The following GPHN variants were observed in gnomAD, a reference collection of about 807,000 sequenced individuals.
GPHN encodes gephyrin.
GPHN carries 17 observed loss-of-function variants against 95.5 expected under a neutral mutation model. The observed-to-expected ratio is 0.18, with a 90% CI of 0.12 to 0.27. The LOEUF is 0.27. Among genes scored for constraint, GPHN ranks in the 10% least tolerant of loss-of-function variants. The pLI is 1.00. For missense variants in GPHN, 660 were observed against 978.1 expected (o/e 0.67, Z 4.34); for synonymous variants, 320 against 322.5 (o/e 0.99, Z 0.08).
the GPHN span, among the ~76,000 whole-genome samples, chr14:67,430,463 G>A: frequency 6.6e-6 from 1 of 152,230 alleles, no homozygotes; most frequent in Non-Finnish European, 1.5e-5. Flanking sequence ...GTATGGTAAA[G>A]CAGAAAGAGC....
the GPHN span, among the ~76,000 whole-genome samples, chr14:67,213,112 C>A: frequency 9.5e-5 from 13 of 137,346 alleles, no homozygotes; most frequent in Non-Finnish European, 1.5e-4. Context: ...TTTTTTTTTA[C>A]TTCTCAGATA....
At chr14:67,046,075 G>A (rs921950690) in intron 10 of GPHN, among the ~76,000 whole-genome samples, 1 of 150,966 alleles carries the variant, frequency 6.6e-6, no homozygotes, top group Middle Eastern at 3.2e-3. Flanking sequence ...ATTCTATCTC[G>A]ATTTTTTTTT....
the GPHN span, among the ~76,000 whole-genome samples, chr14:67,509,467 A>C: frequency 6.6e-6 from 1 of 152,080 alleles, no homozygotes; most frequent in Admixed American, 6.5e-5. Context: ...TACAGGCACG[A>C]GCCGCCATGC....
the GPHN span, among the ~76,000 whole-genome samples, chr14:67,530,291 A>T: frequency 6.6e-6 from 1 of 152,194 alleles, no homozygotes; most frequent in Non-Finnish European, 1.5e-5. Flanking sequence ...TATTATCATC[A>T]TTATTTTACA....
the GPHN span, among the ~76,000 whole-genome samples, chr14:67,358,024 A>C: frequency 6.6e-6 from 1 of 151,560 alleles, no homozygotes; most frequent in Non-Finnish European, 1.5e-5. Context: ...GGGTCTATCA[A>C]TTAGGTGTTG....
intron 6 of GPHN, 27 bp from the exon 7 acceptor site, chr14:66,922,639 A>ATT: frequency 6.4e-7 from 1 of 1,562,168 alleles, no homozygotes; most frequent in Non-Finnish European, 8.7e-7. Flanking sequence ...CTTCATCTTA[A>ATT]TTTTTTTTTC....
intron 20 of GPHN, among the ~76,000 whole-genome samples, chr14:67,167,137 A>G (rs1039388464): frequency 1.3e-5 from 2 of 152,246 alleles, no homozygotes; most frequent in Non-Finnish European, 2.9e-5. Context: ...TGTAAAAATC[A>G]GAAAATATAG....
At chr14:67,365,811 A>G in the GPHN span, among the ~76,000 whole-genome samples, 1 of 150,968 alleles carries the variant, frequency 6.6e-6, no homozygotes. Flanking sequence ...TGGTTTACTG[A>G]TACTTTCTCA....
At chr14:66,874,771 CCTA>C (rs1363639473) in intron 4 of GPHN, among the ~76,000 whole-genome samples, 1 of 152,100 alleles carries the variant, frequency 6.6e-6, no homozygotes, top group African/African-American at 2.4e-5. Context: ...AAAGACCAAA[CCTA>C]CTTCTGATTG....
intron 1 of GPHN, among the ~76,000 whole-genome samples, chr14:66,561,638 G>A (rs1418724035): frequency 6.6e-6 from 1 of 152,066 alleles, no homozygotes; most frequent in African/African-American, 2.4e-5. Flanking sequence ...CTTATATCTA[G>A]TTTTAATCTA....
At chr14:67,668,823 CA>C in the GPHN span, among the ~76,000 whole-genome samples, 7 of 152,174 alleles carry the variant, frequency 4.6e-5, no homozygotes, top group East Asian at 1.2e-3. Context: ...AACAAGTTCC[CA>C]AATGATGCTG....
At chr14:66,942,576 G>C (rs374543753) in intron 8 of GPHN, among the ~76,000 whole-genome samples, 2 of 152,172 alleles carry the variant, frequency 1.3e-5, no homozygotes, top group Admixed American at 1.3e-4. Context: ...TATCTTTGTG[G>C]TTTATAATAA....
At chr14:67,389,774 T>C in the GPHN span, among the ~76,000 whole-genome samples, 1 of 147,000 alleles carries the variant, frequency 6.8e-6, no homozygotes, top group Non-Finnish European at 1.5e-5. Context: ...GTGTTTTTTT[T>C]CTTTTTTTTT....
At chr14:67,616,281 T>TGG in the GPHN span, 1 of 162,888 alleles carries the variant, frequency 6.1e-6, no homozygotes, top group African/African-American at 2.4e-5. Context: ...GTCCTGGTGA[T>TGG]TTTTTTAATA....
intron 6 of GPHN, among the ~76,000 whole-genome samples, chr14:66,916,338 G>A (rs888670300): frequency 1.3e-5 from 2 of 152,058 alleles, no homozygotes; most frequent in African/African-American, 4.8e-5. Flanking sequence ...CAACGTCCAG[G>A]AATACTACCA....
At chr14:66,718,801 T>C (rs775984843) in intron 2 of GPHN, among the ~76,000 whole-genome samples, 2 of 152,164 alleles carry the variant, frequency 1.3e-5, no homozygotes, top group South Asian at 4.1e-4. Flanking sequence ...TCCAGCTGGC[T>C]TCACCTCTCA....
At chr14:66,919,803 A>G (rs530232945) in intron 6 of GPHN, among the ~76,000 whole-genome samples, 7 of 152,204 alleles carry the variant, frequency 4.6e-5, no homozygotes, top group African/African-American at 1.4e-4. Context: ...GTTGGGGCTC[A>G]GGTCTGTAAT....
intron 9 of GPHN, among the ~76,000 whole-genome samples, chr14:66,978,593 T>C (rs1322603526): frequency 6.6e-6 from 1 of 152,132 alleles, no homozygotes; most frequent in Non-Finnish European, 1.5e-5. Context: ...CTTCTAATTG[T>C]AGTTCTTTTG....
chr14:66,517,126 C>CAAAAAAAAAAA (rs1171024713), intron 1 of GPHN, among the ~76,000 whole-genome samples: 1 of 31,014 alleles, frequency 3.2e-5, no homozygotes, highest in Non-Finnish European at 7.4e-5. Flanking sequence ...GACTCCATCT[C>CAAAAAAAAAAA]AAAAAAAAAA....
Sources: allele counts gnomAD v4.1 joint callset (sites outside exome capture counted in the v4.1 genomes callset), GRCh38; gene constraint gnomAD v4.1.1; transcripts MANE v1.5; gene names NCBI Gene and HGNC (gene_info 2026-07-23, HGNC 2026-07-21).